Variants in PNPLA1 observed in about 807,000 individuals in gnomAD.
PNPLA1 encodes omega-hydroxyceramide transacylase.
Under a neutral mutation model 51.7 loss-of-function variants are expected in PNPLA1, and 36 were observed. The observed-to-expected ratio is 0.70, with a 90% CI of 0.53 to 0.92. The LOEUF is 0.92. Among genes scored for constraint, PNPLA1 ranks in the 40% least tolerant of loss-of-function variants. The pLI is 0.00. For synonymous variants in PNPLA1, 293 were observed against 280.1 expected, an observed-to-expected ratio of 1.05 and a Z score of -0.46; for missense variants, 658 against 682.5, an observed-to-expected ratio of 0.96 and a Z score of 0.40.
chr6:36,291,712 G>A (rs1770690680), intron 2 of PNPLA1, among the ~76,000 whole-genome samples, 160 bp downstream of exon 2: 1 of 152,174 alleles, frequency 6.6e-6, no homozygotes, highest in South Asian at 2.1e-4. Context: ...AAGGTGCAGT[G>A]CTAGATGAGA....
chr6:36,282,104 G>GAAA (rs1770318356), intron 1 of PNPLA1, among the ~76,000 whole-genome samples: 1 of 51,190 alleles, frequency 2.0e-5, no homozygotes, highest in African/African-American at 7.4e-5. Context: ...AAGGAAGGAA[G>GAAA]GAAGGAAGGA....
rs189811667 is a variant in PNPLA1, at chr6:36,261,291, T to A, written c.-81+18030T>A. Among the ~76,000 whole-genome samples, 362 of 152,378 alleles carry A rather than the reference T, an allele frequency of 2.4e-3. 5 individuals carry two copies. The highest frequency in any genetic ancestry group is 0.023 in the East Asian group (121 of 5,190). On this transcript the variant is annotated intron_variant, in intron 1 of 7. Transcript: ENST00000312917. The stretch of plus-strand genomic sequence containing the variant: ...CCATCACTAATTCAACAGATATTTT[T>A]CTGACCACCATGAATGGCAATCCTC...
chr6:36,249,725 C>A (rs1769380786), intron 1 of PNPLA1, among the ~76,000 whole-genome samples: 1 of 152,180 alleles, frequency 6.6e-6, no homozygotes, highest in Non-Finnish European at 1.5e-5. Flanking sequence ...GGACTCAGAC[C>A]ATGAGAGTTT....
In PNPLA1 at chr6:36,263,995, G is replaced by A. The variant is rs186430773; in HGVS notation, c.-81+20734G>A. ...CCTTCCCTTTCCCACGGAAAACACCGTAAAGGCTCTGGGCTGTGCTCTCCT... is the reference window on the plus strand; with the variant it reads ...CCTTCCCTTTCCCACGGAAAACACCATAAAGGCTCTGGGCTGTGCTCTCCT... On this transcript the variant is annotated intron_variant, in intron 1 of 7. Coordinates refer to the PNPLA1 transcript ENST00000312917. Among the ~76,000 whole-genome samples, 43 of 152,236 alleles carry A rather than the reference G, an allele frequency of 2.8e-4. 1 individual carries two copies. The East Asian group carries it at 5.4e-3, about 19-fold the overall frequency.
At chr6:36,299,323 G>T (rs1189879040) in intron 5 of PNPLA1, among the ~76,000 whole-genome samples, 5 of 89,362 alleles carry the variant, frequency 5.6e-5, no homozygotes, top group South Asian at 3.2e-4. Context: ...GGTTTTTTTT[G>T]TTTTTTTGTC....
Position 36,294,347 on chromosome 6 carries a change from C to G in PNPLA1, c.662C>G (p.Ser221Cys). 1 of 1,614,208 alleles carries G rather than the reference C, an allele frequency of 6.2e-7. No individual in the cohort carries two copies. The highest frequency in any genetic ancestry group is 1.3e-5 in the African/African-American group (1 of 75,050). ...FRMFNCSFQF[S>C]LENIARMTHA... ...ATGTTCAACTGCTCCTTCCAGTTCT[C>G]CCTGGAGAACATCGCCAGGATGACC... Residue 221 changes from serine (S) to cysteine (C), a missense_variant, in exon 4 of 9, where the codon TCC (serine) becomes TGC (cysteine). Coordinates refer to ENST00000636260, the MANE Select transcript of PNPLA1 (RefSeq NM_001374623.1). This position sits in a 1 kb window ranked among gnomAD's most constrained non-coding sequence, Gnocchi z 4.2.
chr6:36,243,305 G>A (rs1277883923), intron 1 of PNPLA1: 1 of 152,230 alleles, frequency 6.6e-6, no homozygotes, highest in South Asian at 2.1e-4. Flanking sequence ...ATGAATGCAT[G>A]GTGGGGGGTG....
intron 1 of PNPLA1, among the ~76,000 whole-genome samples, chr6:36,261,067 A>C (rs1319823746): frequency 2.0e-5 from 3 of 152,166 alleles, no homozygotes; most frequent in Non-Finnish European, 4.4e-5. Context: ...GGGCTCAAGC[A>C]ATCCTCCCTC....
chr6:36,295,261 A>G (rs1363290642), intron 4 of PNPLA1, 103 bp from the exon 5 acceptor site: 7 of 1,194,680 alleles, frequency 5.9e-6, no homozygotes, highest in East Asian at 2.3e-5. Flanking sequence ...AAGCCCATCA[A>G]ATAAAATTCA....
At chr6:36,304,629 GAA>G (rs539155104) in intron 6 of PNPLA1, among the ~76,000 whole-genome samples, 13,778 of 71,558 alleles carry the variant, frequency 0.19, 843 homozygotes, top group Middle Eastern at 0.28. Context: ...TCCGTCTCAG[GAA>G]AAAAAAAAAA....
chr6:36,256,008 C>T (rs1042800002), intron 1 of PNPLA1, among the ~76,000 whole-genome samples: 21 of 152,164 alleles, frequency 1.4e-4, no homozygotes, highest in South Asian at 2.1e-4. Context: ...AAATTTCTAA[C>T]GGTAGGTTCC....
At chr6:36,282,415 T>C (rs1222570271) in intron 1 of PNPLA1, among the ~76,000 whole-genome samples, 1 of 152,246 alleles carries the variant, frequency 6.6e-6, no homozygotes, top group Non-Finnish European at 1.5e-5. Flanking sequence ...ATGCTTTACA[T>C]GTTTAAACGT....
chr6:36,298,336 T>C (rs930693550), intron 5 of PNPLA1, among the ~76,000 whole-genome samples: 24 of 152,376 alleles, frequency 1.6e-4, no homozygotes, highest in African/African-American at 4.8e-4. Context: ...ACATATGCTT[T>C]CATTTCTCTT....
intron 2 of PNPLA1, among the ~76,000 whole-genome samples, chr6:36,292,183 T>G (rs1483767723): frequency 1.3e-5 from 2 of 152,088 alleles, no homozygotes; most frequent in Admixed American, 1.3e-4. Flanking sequence ...CCACTCTCCT[T>G]CCTTCCCCCA....
chr6:36,247,872 G>A (rs934374243), intron 1 of PNPLA1, among the ~76,000 whole-genome samples: 1 of 152,172 alleles, frequency 6.6e-6, no homozygotes, highest in Admixed American at 6.5e-5. Flanking sequence ...CAGGGCTCCC[G>A]AGCCAACGTT....
intron 1 of PNPLA1, among the ~76,000 whole-genome samples, chr6:36,273,523 G>A (rs950629315): frequency 6.6e-6 from 1 of 151,592 alleles, no homozygotes; most frequent in Non-Finnish European, 1.5e-5. Flanking sequence ...CCTGGTGCAG[G>A]GATTCTCTCT....
intron 1 of PNPLA1, among the ~76,000 whole-genome samples, chr6:36,277,608 G>T (rs1377667248): frequency 6.6e-6 from 1 of 152,186 alleles, no homozygotes; most frequent in Non-Finnish European, 1.5e-5. Context: ...TCGTGCCTGT[G>T]AGCCCAGAAT....
intron 1 of PNPLA1, among the ~76,000 whole-genome samples, chr6:36,257,923 G>A (rs73415556): frequency 0.067 from 10,179 of 152,228 alleles, 616 homozygotes; most frequent in African/African-American, 0.16. Context: ...TTAGCTAGCC[G>A]TTAAATTGGC....
chr6:36,293,194 C>T (rs1770745630), intron 3 of PNPLA1, 68 bp downstream of exon 3: 1 of 1,483,880 alleles, frequency 6.7e-7, no homozygotes, highest in Non-Finnish European at 9.4e-7. Flanking sequence ...TGACTCACAC[C>T]TGGGGGAGCA....
Sources: gnomAD v4.1 joint callset for allele counts (sites outside exome capture counted in the v4.1 genomes callset) on GRCh38, gnomAD v4.1.1 for gene constraint, Gnocchi (gnomAD v3.1) non-coding constraint, MANE v1.5 for transcripts, NCBI Gene and HGNC (gene_info 2026-07-23, HGNC 2026-07-21) for gene names.